PKDCC: variants seen among roughly 807,000 people sequenced by gnomAD.
PKDCC encodes the protein extracellular tyrosine-protein kinase PKDCC.
Under a neutral mutation model 44.7 loss-of-function variants are expected in PKDCC, and 35 were observed. That is an observed-to-expected ratio of 0.78 (90% confidence interval 0.60 to 1.04). The LOEUF (loss-of-function observed/expected upper bound fraction) is 1.04, where lower values mean the gene tolerates loss of function less well. PKDCC is among the 50% of genes least tolerant of loss of function. The probability of loss-of-function intolerance (pLI) is 0.00; values close to 1 mark genes in which losing one functional copy is unlikely to be tolerated. For missense variants in PKDCC, 738 were observed against 672.7 expected (o/e 1.10, Z -1.07); for synonymous variants, 353 against 303.3 (o/e 1.16, Z -1.70).
At chr2:42,053,793 T>C (rs1403799815) in intron 2 of PKDCC, among the ~76,000 whole-genome samples, 6 of 152,186 alleles carry the variant, frequency 3.9e-5, no homozygotes, top group Non-Finnish European at 5.9e-5. Context: ...AGACCCTCGC[T>C]GCTGCAGTTT....
chr2:42,054,491 C>G lies in PKDCC; in HGVS notation c.1034+184C>G. On this transcript the variant is annotated intron_variant, in intron 3 of 6. Transcript: ENST00000294964. The surrounding 1 kb of genome is among the most constrained non-coding windows in gnomAD (Gnocchi z 6.1). ...CTCTGATGGAGAGGCTAAAAATAGA[C>G]AGCTCCAAGGAGAATCCGGGTTAGG... is the stretch of plus-strand genomic sequence containing the variant. The G allele has an allele frequency of 1.4e-6, 1 of 717,470 alleles. No homozygotes were observed. The highest frequency in any genetic ancestry group is 2.3e-6 in the Non-Finnish European group (1 of 444,164). 44.4% of individuals were successfully genotyped at this position (717,470 alleles called of 1,614,324 possible).
rs1012129334 is a variant in PKDCC at position 42,055,088 on chromosome 2, A to AG, written c.1114+69dup. ...CCCCCACCCGCCAGCAAAAGTGGGG[A>AG]GAAAAATAACCCAGGGCAGCAGGGG... On this transcript the variant is annotated intron_variant, in intron 4 of 6. Coordinates refer to ENST00000294964, the MANE Select transcript of PKDCC (RefSeq NM_138370.3). The surrounding 1 kb of genome is among the most constrained non-coding windows in gnomAD (Gnocchi z 4.5). 8.7e-6 allele frequency: 13 copies of AG among 1,489,616 alleles called. No individual in the cohort carries two copies. In the African/African-American group the frequency reaches 1.5e-4, roughly 18 times the overall value. 92.3% of individuals were successfully genotyped at this position (1,489,616 alleles called of 1,614,324 possible).
chr2:42,055,755 T>C lies in PKDCC; in HGVS notation c.1222+362T>C, dbSNP rs977498727. On this transcript the variant is annotated intron_variant, in intron 5 of 6. Coordinates refer to ENST00000294964, the MANE Select transcript of PKDCC (RefSeq NM_138370.3). This position sits in a 1 kb window ranked among gnomAD's most constrained non-coding sequence, Gnocchi z 4.5. ...TATTACCCACCTCACCAAATTCTTA[T>C]GGGAATTAAATGTCAGGTGAAATGT... 2.5e-5 allele frequency: 5 copies of C among 199,054 alleles called. No individual in the cohort carries two copies. Among genetic ancestry groups the C allele is most frequent in the South Asian group, 1.3e-4 (1 of 7,942 alleles). 12.3% of individuals were successfully genotyped at this position (199,054 alleles called of 1,614,324 possible). A position where few individuals can be genotyped will look rare whatever the true frequency, so the allele number is the denominator to read the frequency against.
chr2:42,048,087 C>T lies in PKDCC; in HGVS notation c.-113C>T. 2 of 560,842 alleles carry T rather than the reference C, an allele frequency of 3.6e-6. No homozygotes were observed. The highest frequency in any genetic ancestry group is 7.6e-5 in the South Asian group (1 of 13,166). The allele number at this position is 560,842 out of a possible 1,614,324, so 34.7% of individuals were successfully genotyped here. A position where few individuals can be genotyped will look rare whatever the true frequency, so the allele number is the denominator to read the frequency against. Reference sequence around the variant, plus strand: ...GTCGGGGCCGCCGGGGCCATGCGCGCGGGCTGGGCAGGGGGCCGGCGGGGC... The same window carrying T: ...GTCGGGGCCGCCGGGGCCATGCGCGTGGGCTGGGCAGGGGGCCGGCGGGGC... On this transcript the variant is annotated 5_prime_UTR_variant, in exon 1 of 7. Coordinates refer to ENST00000294964, the MANE Select transcript of PKDCC (RefSeq NM_138370.3). This position sits in a 1 kb window ranked among gnomAD's most constrained non-coding sequence, Gnocchi z 6.2.
Position 42,048,985 on chromosome 2 carries a change from C to T in PKDCC, c.639+147C>T. ...CGCAGAAACCGGACCATGGCCCTTC[C>T]CACTGCACCACCCTGCTTCTCACTC... On this transcript the variant is annotated intron_variant, in intron 1 of 6. Coordinates refer to ENST00000294964, the MANE Select transcript of PKDCC (RefSeq NM_138370.3). This position sits in a 1 kb window ranked among gnomAD's most constrained non-coding sequence, Gnocchi z 6.2. 7.9e-7 allele frequency: 1 copy of T among 1,262,258 alleles called. No individual in the cohort carries two copies. The highest frequency in any genetic ancestry group is 1.0e-6 in the Non-Finnish European group (1 of 982,236). The allele number at this position is 1,262,258 out of a possible 1,614,324, so 78.2% of individuals were successfully genotyped here.
In PKDCC at chr2:42,052,551, C is replaced by G. The variant is rs550129661; in HGVS notation, c.640-688C>G. ...ATCACTTGAGGTCGGCAGTTTGAGA[C>G]CAGCCTGGCCAACATGGTGAAACCC... On this transcript the variant is annotated intron_variant, in intron 1 of 6. Transcript: ENST00000294964. This position sits in a 1 kb window ranked among gnomAD's most constrained non-coding sequence, Gnocchi z 4.3. 4.9e-4 allele frequency among the ~76,000 whole-genome samples: 74 copies of G among 152,224 alleles called. No individual in the cohort carries two copies. The highest frequency in any genetic ancestry group is 9.4e-4 in the African/African-American group (39 of 41,534).
At position 42,058,227 on chromosome 2, in the gene PKDCC, G is replaced by A. The variant is rs1309709418; in HGVS notation, c.*539G>A. ...AGGCTATCTCTGACCTCCCGACAGG[G>A]GACACTCCCAGGCCAGCCCAGGGGT... On this transcript the variant is annotated 3_prime_UTR_variant, in exon 7 of 7. Transcript: ENST00000294964. This position sits in a 1 kb window ranked among gnomAD's most constrained non-coding sequence, Gnocchi z 4.2. 1 of 154,932 alleles carries A rather than the reference G, an allele frequency of 6.5e-6. No individual in the cohort carries two copies. The highest frequency in any genetic ancestry group is 1.9e-4 in the East Asian group (1 of 5,222). 9.6% of individuals were successfully genotyped at this position (154,932 alleles called of 1,614,324 possible).
chr2:42,055,539 G>T lies in PKDCC; in HGVS notation c.1222+146G>T. ...GTAGGGGCTCACATAGAATCATGGAGGGGCTGACATGGACTAATTTGAGGT... is the reference window on the plus strand; with the variant it reads ...GTAGGGGCTCACATAGAATCATGGATGGGCTGACATGGACTAATTTGAGGT... On this transcript the variant is annotated intron_variant, in intron 5 of 6. Coordinates refer to ENST00000294964, the MANE Select transcript of PKDCC (RefSeq NM_138370.3). This position sits in a 1 kb window ranked among gnomAD's most constrained non-coding sequence, Gnocchi z 4.5. 1.5e-6 allele frequency: 1 copy of T among 654,116 alleles called. No homozygotes were observed. The highest frequency in any genetic ancestry group is 1.9e-5 in the South Asian group (1 of 51,684). The allele number at this position is 654,116 out of a possible 1,614,324, so 40.5% of individuals were successfully genotyped here.
Position 42,057,852 on chromosome 2 carries a change from C to A in PKDCC, c.*164C>A. The A allele has an allele frequency of 3.2e-6, 2 of 618,264 alleles. No individual in the cohort carries two copies. Among genetic ancestry groups the A allele is most frequent in the Non-Finnish European group, 5.6e-6 (2 of 354,986 alleles). The allele number at this position is 618,264 out of a possible 1,614,324, so 38.3% of individuals were successfully genotyped here. ...TGACCAGGACAAACGTGCAATAATGCCAAATGTTAAAATGTGAGTTTACCA... is the reference window on the plus strand; with the variant it reads ...TGACCAGGACAAACGTGCAATAATGACAAATGTTAAAATGTGAGTTTACCA... On this transcript the variant is annotated 3_prime_UTR_variant, in exon 7 of 7. Transcript: ENST00000294964.
In PKDCC at chr2:42,055,652, C is replaced by G. The variant is rs1222811248; in HGVS notation, c.1222+259C>G. 2 of 468,968 alleles carry G rather than the reference C, an allele frequency of 4.3e-6. No homozygotes were observed. Among genetic ancestry groups the G allele is most frequent in the Admixed American group, 3.6e-5 (1 of 27,612 alleles). The allele number at this position is 468,968 out of a possible 1,614,324, so 29.1% of individuals were successfully genotyped here. A position where few individuals can be genotyped will look rare whatever the true frequency, so the allele number is the denominator to read the frequency against. On this transcript the variant is annotated intron_variant, in intron 5 of 6. Transcript: ENST00000294964. This position sits in a 1 kb window ranked among gnomAD's most constrained non-coding sequence, Gnocchi z 4.5. ...ACCCCTACTCTGGATGGCTCCAAAC[C>G]CTATCATGTACTGGCTATATGACTT...
At position 42,054,925 on chromosome 2, in the gene PKDCC, T is replaced by G; in HGVS notation, c.1035-16T>G. ...AAAGGCTGGATTCCTGAGCCACTGG[T>G]TTCCCTCTGCCACAGGTTTTTCTTC... On this transcript the variant is annotated splice_polypyrimidine_tract_variant and intron_variant, in intron 3 of 6. Coordinates refer to ENST00000294964, the MANE Select transcript of PKDCC (RefSeq NM_138370.3). This position sits in a 1 kb window ranked among gnomAD's most constrained non-coding sequence, Gnocchi z 6.1. The G allele has an allele frequency of 6.2e-7, 1 of 1,608,530 alleles. No individual in the cohort carries two copies. Among genetic ancestry groups the G allele is most frequent in the Non-Finnish European group, 8.5e-7 (1 of 1,174,962 alleles).
In PKDCC at chr2:42,055,219, T is replaced by G. The variant is rs1668032842; in HGVS notation, c.1115-67T>G. 1 of 1,457,794 alleles carries G rather than the reference T, an allele frequency of 6.9e-7. No homozygotes were observed. The highest frequency in any genetic ancestry group is 1.9e-5 in the Admixed American group (1 of 51,934). 90.3% of individuals were successfully genotyped at this position (1,457,794 alleles called of 1,614,324 possible). A position where few individuals can be genotyped will look rare whatever the true frequency, so the allele number is the denominator to read the frequency against. On this transcript the variant is annotated intron_variant, in intron 4 of 6. Transcript: ENST00000294964. This position sits in a 1 kb window ranked among gnomAD's most constrained non-coding sequence, Gnocchi z 4.5. ...CTCTGGAGGCAGAGGTGGGAGCAGC[T>G]GGCTGCTGACTTCAGGGAGGAGTGG...
intron 1 of PKDCC, among the ~76,000 whole-genome samples, chr2:42,050,144 C>G (rs1013698141): frequency 6.6e-6 from 1 of 152,180 alleles, no homozygotes; most frequent in African/African-American, 2.4e-5. Context: ...CACTTGTGAC[C>G]GGGCCCTGGG....
chr2:42,048,899 C>T lies in PKDCC; in HGVS notation c.639+61C>T. On this transcript the variant is annotated intron_variant, in intron 1 of 6. Coordinates refer to ENST00000294964, the MANE Select transcript of PKDCC (RefSeq NM_138370.3). The surrounding 1 kb of genome is among the most constrained non-coding windows in gnomAD (Gnocchi z 6.2). ...CTGGGAGTGCCCAAGACCTTGTCAA[C>T]CTGGCTGGAAGAGAACCCCTTGATC... 2 of 1,389,430 alleles carry T rather than the reference C, an allele frequency of 1.4e-6. No individual in the cohort carries two copies. Among genetic ancestry groups the T allele is most frequent in the Non-Finnish European group, 1.9e-6 (2 of 1,066,592 alleles). 86.1% of individuals were successfully genotyped at this position (1,389,430 alleles called of 1,614,324 possible).
rs1219709296 is a variant in PKDCC, at chr2:42,057,135, G to C, written c.1223-86G>C. ...AGCTTTCACCTAGGAAATGAGTCTT[G>C]CTGCCCTTTCCAGAAAGTGACACAT... On this transcript the variant is annotated intron_variant, in intron 5 of 6. Transcript: ENST00000294964. 7.5e-6 allele frequency: 11 copies of C among 1,471,000 alleles called. No individual in the cohort carries two copies. The Admixed American group carries it at 1.9e-4, about 25-fold the overall frequency. 91.1% of individuals were successfully genotyped at this position (1,471,000 alleles called of 1,614,324 possible). A position where few individuals can be genotyped will look rare whatever the true frequency, so the allele number is the denominator to read the frequency against.
At chr2:42,049,873 G>A (rs903887267) in intron 1 of PKDCC, among the ~76,000 whole-genome samples, 2 of 152,214 alleles carry the variant, frequency 1.3e-5, no homozygotes, top group African/African-American at 2.4e-5. Flanking sequence ...GAACATGGGT[G>A]TGTGCAGCCT....
chr2:42,053,729 C>G (rs1483714560), intron 2 of PKDCC, among the ~76,000 whole-genome samples: 1 of 152,166 alleles, frequency 6.6e-6, no homozygotes, highest in African/African-American at 2.4e-5. Context: ...TTTCCATACA[C>G]TGAACTAAAA....
In PKDCC at chr2:42,054,674, G is replaced by A. The variant is rs1668023873; in HGVS notation, c.1035-267G>A. ...CTCCGACACCGGGAGTCAGTCAGGG[G>A]ATAATGTGGGGCTGGGAGGTGGGCA... is the stretch of plus-strand genomic sequence containing the variant. On this transcript the variant is annotated intron_variant, in intron 3 of 6. Coordinates refer to ENST00000294964, the MANE Select transcript of PKDCC (RefSeq NM_138370.3). This position sits in a 1 kb window ranked among gnomAD's most constrained non-coding sequence, Gnocchi z 6.1. 1 of 567,082 alleles carries A rather than the reference G, an allele frequency of 1.8e-6. No individual in the cohort carries two copies. The highest frequency in any genetic ancestry group is 3.1e-6 in the Non-Finnish European group (1 of 318,988). The allele number at this position is 567,082 out of a possible 1,614,324, so 35.1% of individuals were successfully genotyped here.
At chr2:42,053,201 A>T in intron 1 of PKDCC, 38 bp from the exon 2 acceptor site, 1 of 888,724 alleles carries the variant, frequency 1.1e-6, no homozygotes, top group Non-Finnish European at 1.5e-6. Flanking sequence ...CCCCACCCCC[A>T]CCCTGTGACC....
Sources: allele counts gnomAD v4.1 joint callset (sites outside exome capture counted in the v4.1 genomes callset), GRCh38; gene constraint gnomAD v4.1.1; non-coding constraint Gnocchi (gnomAD v3.1); transcripts MANE v1.5; gene names NCBI Gene and HGNC (gene_info 2026-07-23, HGNC 2026-07-21).